UIMC1: variants seen among roughly 807,000 people sequenced by gnomAD.
UIMC1 encodes the protein ubiquitin interaction motif containing 1.
UIMC1 carries 42 observed loss-of-function variants against 84.9 expected under a neutral mutation model. The observed-to-expected ratio is 0.49, with a 90% confidence interval of 0.39 to 0.64. The LOEUF is 0.64. Ranked by LOEUF, UIMC1 falls within the 30% of genes least tolerant of loss-of-function variation. The probability of loss-of-function intolerance (pLI) is 0.00; values close to 1 mark genes in which losing one functional copy is unlikely to be tolerated. For synonymous variants in UIMC1, 281 were observed against 293.0 expected (o/e 0.96, Z 0.42); for missense variants, 825 against 847.6 (o/e 0.97, Z 0.33).
At chr5:176,913,353 T>A (rs960975929) in intron 10 of UIMC1, among the ~76,000 whole-genome samples, 4 of 152,340 alleles carry the variant, frequency 2.6e-5, no homozygotes, top group African/African-American at 9.6e-5. Flanking sequence ...CACCATGCTA[T>A]CAAAACTACT....
At chr5:176,971,577 T>C (rs775781503) in intron 3 of UIMC1, among the ~76,000 whole-genome samples, 40 of 152,178 alleles carry the variant, frequency 2.6e-4, no homozygotes, top group Non-Finnish European at 5.4e-4. Context: ...ATAAAGATAA[T>C]GAATGCAATG....
At chr5:176,925,759 TA>T (rs1362301107) in intron 10 of UIMC1, among the ~76,000 whole-genome samples, 1 of 152,138 alleles carries the variant, frequency 6.6e-6, no homozygotes, top group Non-Finnish European at 1.5e-5. Context: ...TGGTTGCCTT[TA>T]GGGGGAGGGG....
chr5:176,985,042 G>T (rs1391636206), intron 1 of UIMC1, among the ~76,000 whole-genome samples: 2 of 151,904 alleles, frequency 1.3e-5, no homozygotes, highest in Admixed American at 6.6e-5. Flanking sequence ...ATTATCCTAT[G>T]ACCCTGCCAC....
chr5:176,931,621 ACTTTATCAATGCAAC>A (rs986213473), intron 10 of UIMC1, among the ~76,000 whole-genome samples: 3 of 152,254 alleles, frequency 2.0e-5, no homozygotes, highest in Non-Finnish European at 4.4e-5. Context: ...TCATACAGCA[ACTTTATCAATGCAAC>A]CTAGTGGAGC....
At chr5:176,938,055 T>C (rs993287192) in intron 10 of UIMC1, among the ~76,000 whole-genome samples, 1 of 151,926 alleles carries the variant, frequency 6.6e-6, no homozygotes, top group African/African-American at 2.4e-5. Flanking sequence ...CCAGGCGTGA[T>C]GGCATGCACC....
At chr5:176,981,499 C>G (rs1771048844) in intron 2 of UIMC1, among the ~76,000 whole-genome samples, 1 of 152,062 alleles carries the variant, frequency 6.6e-6, no homozygotes, top group African/African-American at 2.4e-5. Context: ...ATCTTGCTAA[C>G]CAAAAATATG....
intron 6 of UIMC1, among the ~76,000 whole-genome samples, chr5:176,958,939 C>T (rs1766953622): frequency 1.3e-5 from 2 of 152,242 alleles, no homozygotes; most frequent in African/African-American, 2.4e-5. Flanking sequence ...GGCTGTGAGG[C>T]TTCTTCCACT....
chr5:176,947,773 G>A (rs1191661410), intron 9 of UIMC1, among the ~76,000 whole-genome samples: 3 of 151,270 alleles, frequency 2.0e-5, no homozygotes, highest in South Asian at 2.1e-4. Context: ...CCGAGATTGC[G>A]CCACTGCACT....
At chr5:176,996,470 G>C (rs542143661) in intron 1 of UIMC1, among the ~76,000 whole-genome samples, 93 of 152,278 alleles carry the variant, frequency 6.1e-4, no homozygotes, top group African/African-American at 2.2e-3. Flanking sequence ...GACCATGTAA[G>C]GAGGTTGACA....
chr5:176,909,139 A>G (rs1759785089), intron 11 of UIMC1, among the ~76,000 whole-genome samples: 1 of 152,252 alleles, frequency 6.6e-6, no homozygotes, highest in Non-Finnish European at 1.5e-5. Flanking sequence ...CTGATTAGCA[A>G]ATCAAGTCTG....
At chr5:177,011,616 C>A (rs1004015474), upstream of UIMC1, among the ~76,000 whole-genome samples, 1 of 150,648 alleles carries the variant, frequency 6.6e-6, no homozygotes, top group African/African-American at 2.5e-5. Context: ...TAATAATAAA[C>A]TCTTAGAAGA....
chr5:176,907,096 T>C lies in UIMC1; in HGVS notation c.1912+18A>G, dbSNP rs536082356. The C allele has an allele frequency of 9.9e-6, 16 of 1,613,006 alleles. No homozygotes were observed. The African/African-American group carries it at 1.5e-4, about 15-fold the overall frequency. On this transcript the variant is annotated intron_variant, in intron 13 of 14. Transcript: ENST00000511320. ...GGCCTTAGGCAGAAGCCCAGAAAAC[T>C]GGTCCTGGGGTCCTCACCTGAAGTC...
At chr5:176,977,574 C>T (rs1466242822) in intron 2 of UIMC1, among the ~76,000 whole-genome samples, 1 of 134,462 alleles carries the variant, frequency 7.4e-6, no homozygotes, top group African/African-American at 3.0e-5. Flanking sequence ...CAGAGCAAGA[C>T]TCCATCTCAA....
At chr5:176,909,781 AAAAAACATTAATTCCCT>A (rs1375654895) in intron 11 of UIMC1, among the ~76,000 whole-genome samples, 15 of 152,228 alleles carry the variant, frequency 9.9e-5, no homozygotes, top group Admixed American at 9.8e-4. Context: ...CAATTAATGC[AAAAAACATTAATTCCCT>A]ACTACATGAG....
At chr5:176,994,801 A>G (rs1773358671) in intron 1 of UIMC1, among the ~76,000 whole-genome samples, 1 of 152,224 alleles carries the variant, frequency 6.6e-6, no homozygotes, top group African/African-American at 2.4e-5. Context: ...GCAGTTAATT[A>G]AATTGCGACA....
At chr5:176,999,935 T>A (rs1774202047) in intron 1 of UIMC1, among the ~76,000 whole-genome samples, 1 of 152,192 alleles carries the variant, frequency 6.6e-6, no homozygotes, top group Admixed American at 6.6e-5. Context: ...GACTGCTGGA[T>A]CATACGATAG....
At chr5:177,007,130 CG>C (rs1437918683), upstream of UIMC1, among the ~76,000 whole-genome samples, 3 of 151,940 alleles carry the variant, frequency 2.0e-5, no homozygotes, top group Non-Finnish European at 4.4e-5. Context: ...TACCTGAGGT[CG>C]GGAGTTCGAG....
intron 1 of UIMC1, among the ~76,000 whole-genome samples, chr5:177,005,715 A>G (rs1775155352): frequency 1.3e-5 from 2 of 152,062 alleles, no homozygotes; most frequent in South Asian, 4.2e-4. Flanking sequence ...GCCTCCCTTG[A>G]CAGGAAAACA....
rs2149383409 is a variant in UIMC1, at chr5:176,906,060, A to AAT, written c.1913-14_1913-13insAT. ...TTGATGTCTGCATCTGTGATATAAA[A>AAT]GAAAAAATAATAATGTTGGTAGTAG... On this transcript the variant is annotated splice_polypyrimidine_tract_variant and intron_variant, in intron 13 of 14. Coordinates refer to ENST00000511320, the MANE Select transcript of UIMC1 (RefSeq NM_001199298.2). 1 of 1,613,118 alleles carries AAT rather than the reference A, an allele frequency of 6.2e-7. No individual in the cohort carries two copies. Among genetic ancestry groups the AAT allele is most frequent in the East Asian group, 2.2e-5 (1 of 44,870 alleles).
Sources: gnomAD v4.1 joint callset for allele counts (sites outside exome capture counted in the v4.1 genomes callset) on GRCh38, gnomAD v4.1.1 for gene constraint, MANE v1.5 for transcripts, NCBI Gene and HGNC (gene_info 2026-07-23, HGNC 2026-07-21) for gene names.